The following DCLK1 variants were observed in gnomAD, a reference collection of about 807,000 sequenced individuals.
The protein encoded by DCLK1 is doublecortin like kinase 1.
Under a neutral mutation model 86.2 loss-of-function variants are expected in DCLK1, and 16 were observed. That is an observed-to-expected ratio of 0.19 (90% CI 0.13 to 0.28). The LOEUF is 0.28. Among genes scored for constraint, DCLK1 ranks in the 10% least tolerant of loss-of-function variants. DCLK1 has a pLI of 1.00. For missense variants in DCLK1, 590 were observed against 940.2 expected (o/e 0.63, Z 4.87); for synonymous variants, 369 against 370.5 (o/e 1.00, Z 0.05).
intron 3 of DCLK1, among the ~76,000 whole-genome samples, chr13:35,975,238 C>A (rs962189453): frequency 6.6e-6 from 1 of 152,196 alleles, no homozygotes; most frequent in Non-Finnish European, 1.5e-5. Context: ...GTGTGAGGGA[C>A]CAGTAGGCTT....
At chr13:35,850,862 TC>T in intron 6 of DCLK1, 1 of 1,150,258 alleles carries the variant, frequency 8.7e-7, no homozygotes, top group Non-Finnish European at 1.2e-6. Context: ...TGAATGGGCA[TC>T]CCCAGTTTCT....
At chr13:35,920,391 T>C (rs1785410687) in intron 4 of DCLK1, among the ~76,000 whole-genome samples, 1 of 152,150 alleles carries the variant, frequency 6.6e-6, no homozygotes, top group African/African-American at 2.4e-5. Flanking sequence ...GCAGAGTCTA[T>C]AAAGGGAGAA....
intron 3 of DCLK1, among the ~76,000 whole-genome samples, chr13:36,005,683 C>T (rs976500225): frequency 5.9e-5 from 9 of 152,124 alleles, no homozygotes; most frequent in South Asian, 4.1e-4. Flanking sequence ...AGCAGCATGG[C>T]GGCAAGCTTG....
chr13:35,898,227 GA>G (rs1874116526), intron 4 of DCLK1, among the ~76,000 whole-genome samples: 1 of 152,144 alleles, frequency 6.6e-6, no homozygotes, highest in East Asian at 1.9e-4. Flanking sequence ...AAATGTCAAT[GA>G]ATGTCTTATC....
intron 5 of DCLK1, among the ~76,000 whole-genome samples, chr13:35,863,934 TA>T (rs753191570): frequency 6.6e-6 from 1 of 152,160 alleles, no homozygotes; most frequent in Non-Finnish European, 1.5e-5. Flanking sequence ...ATTTCTGGAG[TA>T]ACATAGAAGT....
chr13:35,894,008 A>G (rs1369311466), intron 4 of DCLK1, among the ~76,000 whole-genome samples: 1 of 152,204 alleles, frequency 6.6e-6, no homozygotes, highest in Admixed American at 6.5e-5. Flanking sequence ...TACTATAAAA[A>G]TAATATAAAA....
At chr13:36,031,675 C>T (rs139419676) in intron 3 of DCLK1, among the ~76,000 whole-genome samples, 102 of 152,240 alleles carry the variant, frequency 6.7e-4, no homozygotes, top group African/African-American at 1.9e-3. Context: ...TTTACAGTGA[C>T]GTATTTGATG....
intron 3 of DCLK1, among the ~76,000 whole-genome samples, chr13:36,102,578 T>C (rs773683159): frequency 6.6e-6 from 1 of 152,204 alleles, no homozygotes; most frequent in Non-Finnish European, 1.5e-5. Flanking sequence ...CCTTGTGTTT[T>C]TCCCTCAGGG....
At chr13:35,778,706 G>C (rs1446276931) in intron 16 of DCLK1, among the ~76,000 whole-genome samples, 3 of 152,198 alleles carry the variant, frequency 2.0e-5, no homozygotes, top group Non-Finnish European at 4.4e-5. Context: ...ACCATGTGAA[G>C]TCCAACACTA....
At chr13:35,848,969 A>T in intron 6 of DCLK1, 1 of 985,374 alleles carries the variant, frequency 1.0e-6, no homozygotes, top group South Asian at 4.7e-5. Flanking sequence ...TATTGGAAAC[A>T]GTTTTAAAAC....
chr13:36,045,573 C>T (rs769880720), intron 3 of DCLK1, among the ~76,000 whole-genome samples: 2 of 151,662 alleles, frequency 1.3e-5, no homozygotes, highest in Non-Finnish European at 2.9e-5. Context: ...GTCATCAGGT[C>T]GGGTGTGGTG....
intron 3 of DCLK1, among the ~76,000 whole-genome samples, chr13:36,052,290 G>A (rs9601997): frequency 5.8e-4 from 88 of 152,128 alleles, no homozygotes; most frequent in African/African-American, 2.0e-3. Context: ...ATTAGATGAC[G>A]AGAAAATCAT....
chr13:35,943,077 G>C (rs1208785551), intron 4 of DCLK1, among the ~76,000 whole-genome samples: 1 of 152,196 alleles, frequency 6.6e-6, no homozygotes, highest in Non-Finnish European at 1.5e-5. Context: ...TTTGGAGATA[G>C]AGTCTTTGTA....
At chr13:36,004,120 C>T (rs932502172) in intron 3 of DCLK1, among the ~76,000 whole-genome samples, 3 of 152,136 alleles carry the variant, frequency 2.0e-5, no homozygotes, top group Non-Finnish European at 4.4e-5. Flanking sequence ...TAATATAGGC[C>T]TTTCCTTGAT....
chr13:36,100,951 G>T (rs56906810), intron 3 of DCLK1, among the ~76,000 whole-genome samples: 7,585 of 152,246 alleles, frequency 0.05, 245 homozygotes, highest in African/African-American at 0.1. Flanking sequence ...ATTTTCAAAA[G>T]TTACCCCTCC....
At chr13:35,923,153 C>T (rs889487700) in intron 4 of DCLK1, among the ~76,000 whole-genome samples, 5 of 152,070 alleles carry the variant, frequency 3.3e-5, no homozygotes, top group Admixed American at 2.0e-4. Flanking sequence ...GGAACTCCAG[C>T]GGGAAAGACC....
rs963441221 is a variant in DCLK1, at chr13:36,002,795, T to C, written c.724-55338A>G. Among the ~76,000 whole-genome samples, 16 of 152,364 alleles carry C rather than the reference T, an allele frequency of 1.1e-4. No individual in the cohort carries two copies. In the South Asian group the frequency reaches 3.3e-3, roughly 32 times the overall value. ...TGTGACAACCACATGATTTGACTAA[T>C]TGTTTTAAATCCTGTGGCAAATTAA... On this transcript the variant is annotated intron_variant, in intron 3 of 16. Coordinates refer to ENST00000360631, the MANE Select transcript of DCLK1 (RefSeq NM_001330071.2).
chr13:35,920,659 G>GT (rs1875744348), intron 4 of DCLK1, among the ~76,000 whole-genome samples: 1 of 152,144 alleles, frequency 6.6e-6, no homozygotes, highest in African/African-American at 2.4e-5. Context: ...ACACACACTG[G>GT]TTCATCGAAA....
intron 3 of DCLK1, among the ~76,000 whole-genome samples, chr13:36,095,649 C>T (rs1216489978): frequency 2.0e-5 from 3 of 152,150 alleles, no homozygotes; most frequent in Admixed American, 2.0e-4. Context: ...TCCACCACCC[C>T]TTCCCCCAAA....
Sources: allele counts gnomAD v4.1 joint callset (sites outside exome capture counted in the v4.1 genomes callset), GRCh38; gene constraint gnomAD v4.1.1; transcripts MANE v1.5; gene names NCBI Gene and HGNC (gene_info 2026-07-23, HGNC 2026-07-21).